SRD5A1: variants seen among roughly 807,000 people sequenced by gnomAD.
The protein encoded by SRD5A1 is steroid 5 alpha-reductase 1, also known as 3-oxo-5-alpha-steroid 4-dehydrogenase 1.
SRD5A1 carries 22 observed loss-of-function variants against 28.2 expected under a neutral mutation model. The observed-to-expected ratio is 0.78, with a 90% CI of 0.56 to 1.12. The LOEUF is 1.12. SRD5A1 is among the 50% of genes most tolerant of loss of function. The probability of loss-of-function intolerance (pLI) is 0.00; values close to 1 mark genes in which losing one functional copy is unlikely to be tolerated. For synonymous variants in SRD5A1, 151 were observed against 135.0 expected, an observed-to-expected ratio of 1.12 and a Z score of -0.82; for missense variants, 300 against 346.7, an observed-to-expected ratio of 0.87 and a Z score of 1.07.
intron 4 of SRD5A1, among the ~76,000 whole-genome samples, chr5:6,665,079 TTGAGA>T (rs1487528976): frequency 6.6e-6 from 1 of 152,084 alleles, no homozygotes; most frequent in Admixed American, 6.6e-5. Flanking sequence ...ACGTTATCAG[TTGAGA>T]TGAGAAGGGG....
At chr5:6,635,939 C>T (rs73737153) in intron 1 of SRD5A1, among the ~76,000 whole-genome samples, 1 of 152,146 alleles carries the variant, frequency 6.6e-6, no homozygotes, top group African/African-American at 2.4e-5. Flanking sequence ...AACACGGAGG[C>T]ACAGCATGCT....
chr5:6,656,204 C>A lies in SRD5A1; in HGVS notation c.562+25C>A, dbSNP rs1738829524. On this transcript the variant is annotated intron_variant, in intron 3 of 4. Transcript: ENST00000274192. ...GGTACGTACAGAAAGTGAAGAATTT[C>A]TGTGAAAGTTGCTTGCCATGGTTCC... 1.9e-6 allele frequency: 3 copies of A among 1,587,648 alleles called. No individual in the cohort carries two copies. In the South Asian group the frequency reaches 3.3e-5, roughly 18 times the overall value.
Position 6,668,616 on chromosome 5 carries a change from T to C in SRD5A1, c.*348T>C. The C allele has an allele frequency of 5.4e-6, 1 of 183,538 alleles. No individual in the cohort carries two copies. Among genetic ancestry groups the C allele is most frequent in the Non-Finnish European group, 1.1e-5 (1 of 89,344 alleles). 11.4% of individuals were successfully genotyped at this position (183,538 alleles called of 1,614,324 possible). On this transcript the variant is annotated 3_prime_UTR_variant, in exon 5 of 5. Coordinates refer to ENST00000274192, the MANE Select transcript of SRD5A1 (RefSeq NM_001047.4). ...TTGATGGCATTTTCAGAACAATAAA[T>C]GTCACAATCCCTTCTATAGCCCCCT...
At position 6,633,753 on chromosome 5, in the gene SRD5A1, G is replaced by T; in HGVS notation, c.177G>T (p.Gln59His). 6.3e-7 allele frequency: 1 copy of T among 1,596,874 alleles called. No homozygotes were observed. Residue 59 changes from glutamine to histidine, a missense_variant, in exon 1 of 5, where the codon CAG becomes CAT. Coordinates refer to ENST00000274192, the MANE Select transcript of SRD5A1 (RefSeq NM_001047.4). ...RVPARAAWVV[Q>H]ELPSLALPLY... Reference sequence around the variant, plus strand: ...CGGCGCGGGCCGCCTGGGTGGTGCAGGAGCTGCCCTCGCTGGCCCTGCCGC... The same window carrying T: ...CGGCGCGGGCCGCCTGGGTGGTGCATGAGCTGCCCTCGCTGGCCCTGCCGC...
intron 1 of SRD5A1, among the ~76,000 whole-genome samples, chr5:6,647,313 T>G (rs1738536975): frequency 6.6e-6 from 1 of 152,202 alleles, no homozygotes; most frequent in Non-Finnish European, 1.5e-5. Flanking sequence ...AGAGCTGAGT[T>G]CAAGTCCTGG....
In SRD5A1 at chr5:6,633,953, C is replaced by T. The variant is rs1388928835; in HGVS notation, c.293+84C>T. The T allele has an allele frequency of 2.1e-5, 30 of 1,458,676 alleles. No individual in the cohort carries two copies. In the East Asian group the frequency reaches 7.1e-4, roughly 35 times the overall value. 90.4% of individuals were successfully genotyped at this position (1,458,676 alleles called of 1,614,324 possible). A position where few individuals can be genotyped will look rare whatever the true frequency, so the allele number is the denominator to read the frequency against. ...CTCCCCTCACTGCCCGGTGCCCTCT[C>T]CCCGAAGCCTCCCCCACCCAGATGC... On this transcript the variant is annotated intron_variant, in intron 1 of 4. Coordinates refer to ENST00000274192, the MANE Select transcript of SRD5A1 (RefSeq NM_001047.4).
At chr5:6,647,943 G>C (rs1738555699) in intron 1 of SRD5A1, among the ~76,000 whole-genome samples, 1 of 152,156 alleles carries the variant, frequency 6.6e-6, no homozygotes, top group Non-Finnish European at 1.5e-5. Flanking sequence ...TCCTTCAGGA[G>C]CTCTTGTAAG....
chr5:6,633,673 C>T lies in SRD5A1; in HGVS notation c.97C>T (p.Gln33Ter), dbSNP rs760875296. Residue 33 changes from glutamine to a stop codon, truncating the protein, a stop_gained, in exon 1 of 5, where the codon CAG becomes TAG. Coordinates refer to ENST00000274192, the MANE Select transcript of SRD5A1 (RefSeq NM_001047.4). LOFTEE classifies it high-confidence loss of function. ...VGCAVFARNRQTNSVYGRHAL... is the reference protein window; with the variant it reads ...VGCAVFARNR ...CTGCGCGGTCTTCGCGCGCAATCGT[C>T]AGACGAACTCAGTGTACGGCCGCCA... is the stretch of plus-strand genomic sequence containing the variant. 8.2e-6 allele frequency: 13 copies of T among 1,584,432 alleles called. No individual in the cohort carries two copies. Among genetic ancestry groups the T allele is most frequent in the African/African-American group, 6.7e-5 (5 of 74,514 alleles).
intron 3 of SRD5A1, among the ~76,000 whole-genome samples, chr5:6,657,362 T>C (rs972151897): frequency 6.6e-6 from 1 of 152,196 alleles, no homozygotes; most frequent in African/African-American, 2.4e-5. Context: ...TCTTTGGTGT[T>C]GGGCTTATGA....
chr5:6,637,550 T>G (rs1319539105), intron 1 of SRD5A1, among the ~76,000 whole-genome samples: 2 of 152,252 alleles, frequency 1.3e-5, no homozygotes. Flanking sequence ...CCACGCAGCT[T>G]TGTTCAGTAT....
At chr5:6,668,169 G>A in intron 4 of SRD5A1, 33 bp from the exon 5 acceptor site, 1 of 1,367,742 alleles carries the variant, frequency 7.3e-7, no homozygotes, top group Non-Finnish European at 1.0e-6. Flanking sequence ...CTAAGCGACA[G>A]AATTATTTCC....
At chr5:6,638,198 G>T (rs1738254249) in intron 1 of SRD5A1, among the ~76,000 whole-genome samples, 1 of 152,218 alleles carries the variant, frequency 6.6e-6, no homozygotes, top group African/African-American at 2.4e-5. Context: ...ATTTAGCTGG[G>T]TGTGGTGGCG....
chr5:6,662,821 T>A lies in SRD5A1; in HGVS notation c.568T>A (p.Leu190Ile). The change falls in exon 4 of 5, where the codon TTA (leucine) becomes ATA (isoleucine). Residue 190 changes from leucine to isoleucine, a missense_variant. Transcript: ENST00000274192. ...TGGTCTGTGTTTTCTTCTAGGAGGCTTATTTGAATACGTAACTGCAGCCAA... is the reference window on the plus strand; with the variant it reads ...TGGTCTGTGTTTTCTTCTAGGAGGCATATTTGAATACGTAACTGCAGCCAA... The part of the protein sequence containing the change: ...DTGYKIPRGG[L>I]FEYVTAANYF... The A allele has an allele frequency of 1.9e-6, 3 of 1,612,224 alleles. No homozygotes were observed. Among genetic ancestry groups the A allele is most frequent in the Non-Finnish European group, 2.5e-6 (3 of 1,179,932 alleles).
At chr5:6,661,493 G>A (rs1470287980) in intron 3 of SRD5A1, among the ~76,000 whole-genome samples, 1 of 148,166 alleles carries the variant, frequency 6.7e-6, no homozygotes, top group Admixed American at 6.7e-5. Context: ...AGTATTTGCT[G>A]AAATTGGTCT....
rs567027244 is a variant in SRD5A1, at chr5:6,668,445, T to A, written c.*177T>A. The A allele has an allele frequency of 1.5e-5, 7 of 465,104 alleles. No homozygotes were observed. Among genetic ancestry groups the A allele is most frequent in the Non-Finnish European group, 2.3e-5 (6 of 256,522 alleles). The allele number at this position is 465,104 out of a possible 1,614,324, so 28.8% of individuals were successfully genotyped here. A position where few individuals can be genotyped will look rare whatever the true frequency, so the allele number is the denominator to read the frequency against. On this transcript the variant is annotated 3_prime_UTR_variant, in exon 5 of 5. Transcript: ENST00000274192. ...CTACCTAATAAGTACCTAAATACGC[T>A]GAAATGGAGGTTGAATATCCTACTG...
chr5:6,663,040 T>C, intron 4 of SRD5A1, 74 bp downstream of exon 4: 1 of 1,556,060 alleles, frequency 6.4e-7, no homozygotes, highest in Non-Finnish European at 8.8e-7. Flanking sequence ...AGGCTAGATT[T>C]TTGAAGTGTT....
Position 6,651,929 on chromosome 5 carries a change from C to T in SRD5A1, c.381C>T (p.Asn127=), listed in dbSNP as rs565438842. ...TGGCGATTATGTTCTGTACCTGTAA[C>T]GGCTATTTGCAAAGCAGATACTTGA... ...CTMAIMFCTC[N]GYLQSRYLSH... The change falls in exon 2 of 5, where the codon AAC becomes AAT. Residue 127 remains asparagine, a synonymous_variant. Transcript: ENST00000274192. 17 of 1,614,060 alleles carry T rather than the reference C, an allele frequency of 1.1e-5. No homozygotes were observed. The highest frequency in any genetic ancestry group is 7.7e-5 in the South Asian group (7 of 91,074).
At chr5:6,667,091 A>T (rs1404469298) in intron 4 of SRD5A1, among the ~76,000 whole-genome samples, 1 of 152,202 alleles carries the variant, frequency 6.6e-6, no homozygotes, top group Non-Finnish European at 1.5e-5. Context: ...CTAACCAGCG[A>T]ACATGTTTGC....
Position 6,633,874 on chromosome 5 carries a change from CGTCCCCG to C in SRD5A1, c.293+7_293+13del, listed in dbSNP as rs761020109. On this transcript the variant is annotated splice_donor_region_variant and intron_variant, in intron 1 of 4. Transcript: ENST00000274192. ...CCTCGTCCACTACGGGCATCGGTAA[CGTCCCCG>C]GCCCCCGGCCCCCTACCCTACTCCC... 34 of 1,596,724 alleles carry C rather than the reference CGTCCCCG, an allele frequency of 2.1e-5. No individual in the cohort carries two copies. Among genetic ancestry groups the C allele is most frequent in the Non-Finnish European group, 6.8e-6 (8 of 1,179,266 alleles).
Sources: gnomAD v4.1 joint callset for allele counts (sites outside exome capture counted in the v4.1 genomes callset) on GRCh38, gnomAD v4.1.1 for gene constraint, MANE v1.5 for transcripts, NCBI Gene and HGNC (gene_info 2026-07-23, HGNC 2026-07-21) for gene names.